Variants in SPAG17 observed in about 807,000 individuals in gnomAD.
SPAG17 encodes sperm associated antigen 17.
SPAG17 carries 169 observed loss-of-function variants against 273.6 expected under a neutral mutation model. The ratio of observed to expected loss-of-function variants is 0.62; its 90% CI spans 0.55 to 0.70. The LOEUF is 0.70. Ranked by LOEUF, SPAG17 falls within the 30% of genes least tolerant of loss-of-function variation. SPAG17 has a pLI of 0.00. For synonymous variants in SPAG17, 825 were observed against 873.2 expected, an observed-to-expected ratio of 0.94 and a Z score of 0.97; for missense variants, 2,557 against 2,627.8, an observed-to-expected ratio of 0.97 and a Z score of 0.59.
chr1:118,081,217 T>A lies in SPAG17; in HGVS notation c.2093A>T (p.Asp698Val), dbSNP rs181235944. The A allele has an allele frequency of 5.6e-6, 9 of 1,614,056 alleles. No individual in the cohort carries two copies. In the East Asian group the frequency reaches 1.3e-4, roughly 24 times the overall value. Reference protein sequence around the residue: ...NREPSDPSQCDANNMKHSDLN... With the variant: ...NREPSDPSQCVANNMKHSDLN... ...GTCAGAATGCTTCATATTGTTAGCATCACACTGACTAGGATCTGAAGGTTC... is the reference window on the plus strand; with the variant it reads ...GTCAGAATGCTTCATATTGTTAGCAACACACTGACTAGGATCTGAAGGTTC... Residue 698 changes from aspartate to valine, a missense_variant, in exon 15 of 49, where the codon GAT becomes GTT. Asp to Val is a radical substitution (Grantham distance 152). Coordinates refer to ENST00000336338, the MANE Select transcript of SPAG17 (RefSeq NM_206996.4).
At position 118,005,414 on chromosome 1, in the gene SPAG17, C is replaced by G; in HGVS notation, c.4776G>C (p.Gln1592His). Residue 1592 changes from glutamine (Q) to histidine (H), a missense_variant and splice_region_variant, in exon 32 of 49, where the codon CAG becomes CAC. By Grantham distance (24) the Gln-to-His change is conservative (BLOSUM62 0). Coordinates refer to ENST00000336338, the MANE Select transcript of SPAG17 (RefSeq NM_206996.4). ...TCTCCATACCAAAGGTGCACTTTAC[C>G]TGAAAAGTGTTTCCCTCAGGATCCA... is the stretch of plus-strand genomic sequence containing the variant. ...EVLDPEGNTF[Q>H]VMADGSISTI... 1 of 1,601,572 alleles carries G rather than the reference C, an allele frequency of 6.2e-7. No homozygotes were observed.
intron 15 of SPAG17, among the ~76,000 whole-genome samples, chr1:118,080,768 G>C (rs951407928): frequency 2.0e-5 from 3 of 152,128 alleles, no homozygotes; most frequent in African/African-American, 7.2e-5. Flanking sequence ...ACCAAGCTCT[G>C]TACTGGACAT....
intron 3 of SPAG17, among the ~76,000 whole-genome samples, chr1:118,131,733 G>A (rs1285392984): frequency 6.6e-6 from 1 of 152,072 alleles, no homozygotes; most frequent in Non-Finnish European, 1.5e-5. Context: ...TTTCTGGTTG[G>A]CCTGGATCAA....
chr1:117,996,341 G>A (rs538025541), intron 34 of SPAG17, 29 bp downstream of exon 34: 118 of 1,587,940 alleles, frequency 7.4e-5, no homozygotes, highest in African/African-American at 1.2e-4. Flanking sequence ...AAGAGACACC[G>A]TGCATTCCAG....
chr1:118,032,758 A>T (rs1485083729), intron 24 of SPAG17, among the ~76,000 whole-genome samples: 1 of 151,382 alleles, frequency 6.6e-6, no homozygotes, highest in Non-Finnish European at 1.5e-5. Flanking sequence ...CGCCTGGCTA[A>T]TTTTTTTGTA....
chr1:117,982,921 G>A (rs1655997820), intron 42 of SPAG17, among the ~76,000 whole-genome samples: 1 of 152,128 alleles, frequency 6.6e-6, no homozygotes, highest in Admixed American at 6.6e-5. Context: ...TAGAATGTCT[G>A]CATTTTGGTA....
At chr1:117,980,779 G>T (rs1655710419) in intron 43 of SPAG17, among the ~76,000 whole-genome samples, 1 of 152,128 alleles carries the variant, frequency 6.6e-6, no homozygotes, top group Non-Finnish European at 1.5e-5. Flanking sequence ...ATATTATCCT[G>T]TATTATTTTA....
intron 30 of SPAG17, among the ~76,000 whole-genome samples, chr1:118,011,559 T>TG (rs902067339): frequency 6.6e-6 from 1 of 151,976 alleles, no homozygotes; most frequent in African/African-American, 2.4e-5. Flanking sequence ...CAACAGATAC[T>TG]GGGGCCTACT....
At chr1:118,150,694 T>C (rs569456704) in intron 2 of SPAG17, 65 bp from the exon 3 acceptor site, 317 of 922,288 alleles carry the variant, frequency 3.4e-4, no homozygotes, top group Admixed American at 4.3e-4. Flanking sequence ...TAGATATATG[T>C]AACTTTCAAA....
At chr1:118,133,995 T>G (rs1174658882) in intron 3 of SPAG17, among the ~76,000 whole-genome samples, 1 of 152,136 alleles carries the variant, frequency 6.6e-6, no homozygotes, top group Non-Finnish European at 1.5e-5. Context: ...GCTTGTCAAA[T>G]TGACTAGAAT....
At position 118,093,172 on chromosome 1, in the gene SPAG17, G is replaced by A. The variant is rs1476713067; in HGVS notation, c.1157C>T (p.Ala386Val). 6.2e-7 allele frequency: 1 copy of A among 1,612,744 alleles called. No homozygotes were observed. Among genetic ancestry groups the A allele is most frequent in the Admixed American group, 1.7e-5 (1 of 59,890 alleles). ...QVVNEKPVLE[A>V]MPTSEAPQPA... Reference sequence around the variant, plus strand: ...CATGCCTACCTCTGAAGTTGGCATGGCTTCTAATACAGGTTTCTCATTAAC... The same window carrying A: ...CATGCCTACCTCTGAAGTTGGCATGACTTCTAATACAGGTTTCTCATTAAC... Residue 386 changes from alanine (A) to valine (V), a missense_variant, in exon 8 of 49, where the codon GCC becomes GTC. Coordinates refer to ENST00000336338, the MANE Select transcript of SPAG17 (RefSeq NM_206996.4).
At position 117,954,060 on chromosome 1, in the gene SPAG17, G is replaced by T; in HGVS notation, c.*1-11C>A. On this transcript the variant is annotated splice_polypyrimidine_tract_variant and intron_variant, in intron 48 of 48. Coordinates refer to ENST00000336338, the MANE Select transcript of SPAG17 (RefSeq NM_206996.4). ...TGTACCGAGAAGAAACTGCAAAAAT[G>T]AAGGAACACAAAGCCATTTGTAAAG... 1 of 1,612,514 alleles carries T rather than the reference G, an allele frequency of 6.2e-7. No individual in the cohort carries two copies. The highest frequency in any genetic ancestry group is 8.5e-7 in the Non-Finnish European group (1 of 1,178,912).
intron 47 of SPAG17, chr1:117,964,409 T>C (rs947566572): frequency 6.5e-6 from 1 of 152,894 alleles, no homozygotes; most frequent in Non-Finnish European, 1.5e-5. Flanking sequence ...TTCATTGCTA[T>C]GATCAGCAGC....
At chr1:118,137,424 T>C (rs892282276) in intron 3 of SPAG17, among the ~76,000 whole-genome samples, 2 of 152,202 alleles carry the variant, frequency 1.3e-5, no homozygotes, top group African/African-American at 4.8e-5. Flanking sequence ...CCAGGTACTA[T>C]GCAGGGCATC....
At chr1:117,973,661 T>A in intron 43 of SPAG17, 100 bp from the exon 44 acceptor site, 1 of 1,206,062 alleles carries the variant, frequency 8.3e-7, no homozygotes, top group Admixed American at 2.7e-5. Flanking sequence ...ACTTGGAAAC[T>A]TTTTTTCTTT....
rs142556329 is a variant in SPAG17 at position 118,058,119 on chromosome 1, G to C, written c.2541-2205C>G. Among the ~76,000 whole-genome samples the C allele has an allele frequency of 3.1e-3, 465 of 152,088 alleles. 3 individuals carry two copies. The highest frequency in any genetic ancestry group is 0.011 in the African/African-American group (449 of 41,522). On this transcript the variant is annotated intron_variant, in intron 18 of 48. Coordinates refer to ENST00000336338, the MANE Select transcript of SPAG17 (RefSeq NM_206996.4). ...GTAAGTGAATGGATTAAATTCTTTA[G>C]CATTTAAAATACTTAACTTTATTTT...
rs748922918 is a variant in SPAG17 at position 118,184,974 on chromosome 1, G to A, written c.87+97C>T. On this transcript the variant is annotated intron_variant, in intron 1 of 48. Transcript: ENST00000336338. ...GAACCATCAGGCCACGGAGAGATAC[G>A]GAAGAGAGGGCGAGCCTTAAGGCGT... The A allele has an allele frequency of 5.8e-5, 59 of 1,018,258 alleles. 1 individual carries two copies. Among genetic ancestry groups the A allele is most frequent in the Admixed American group, 1.1e-4 (6 of 53,092 alleles). 63.1% of individuals were successfully genotyped at this position (1,018,258 alleles called of 1,614,324 possible).
At chr1:118,184,431 T>C (rs747201880) in intron 1 of SPAG17, among the ~76,000 whole-genome samples, 13 of 152,086 alleles carry the variant, frequency 8.5e-5, no homozygotes, top group Non-Finnish European at 1.8e-4. Context: ...TGAAGTCCTG[T>C]GGTAGGTGGT....
At chr1:118,105,681 A>G (rs1047271967) in intron 4 of SPAG17, among the ~76,000 whole-genome samples, 1 of 152,162 alleles carries the variant, frequency 6.6e-6, no homozygotes, top group Non-Finnish European at 1.5e-5. Context: ...AGACAAGGAT[A>G]GGAAATTTCC....
Sources: allele counts gnomAD v4.1 joint callset (sites outside exome capture counted in the v4.1 genomes callset), GRCh38; gene constraint gnomAD v4.1.1; transcripts MANE v1.5; gene names NCBI Gene and HGNC (gene_info 2026-07-23, HGNC 2026-07-21).